Variants in FBLN2 observed in about 807,000 individuals in gnomAD.
FBLN2 encodes the protein fibulin-2.
FBLN2 carries 81 observed loss-of-function variants against 123.7 expected under a neutral mutation model. The ratio of observed to expected loss-of-function variants is 0.65; its 90% CI spans 0.55 to 0.79. The LOEUF is 0.79. Ranked by LOEUF, FBLN2 falls within the 30% of genes least tolerant of loss-of-function variation. FBLN2 has a pLI of 0.00. For synonymous variants in FBLN2, 699 were observed against 701.4 expected (o/e 1.00, Z 0.05); for missense variants, 1,603 against 1,681.3 (o/e 0.95, Z 0.81).
At chr3:13,553,383 G>A (rs1353087437) in intron 1 of FBLN2, among the ~76,000 whole-genome samples, 1 of 152,158 alleles carries the variant, frequency 6.6e-6, no homozygotes, top group Admixed American at 6.5e-5. Flanking sequence ...GGCGCAGAGT[G>A]GGGCGTGCTT....
intron 7 of FBLN2, 85 bp downstream of exon 7, chr3:13,619,102 G>A: frequency 1.0e-6 from 1 of 999,458 alleles, no homozygotes; most frequent in Non-Finnish European, 1.5e-6. Flanking sequence ...GAGCTGTCTG[G>A]TGCTGGGTAT....
intron 2 of FBLN2, among the ~76,000 whole-genome samples, chr3:13,602,926 C>T (rs56742289): frequency 0.15 from 21,379 of 139,906 alleles, 1,901 homozygotes; most frequent in East Asian, 0.35. Flanking sequence ...TTTTTTTTTT[C>T]CCCAAGACGA....
intron 16 of FBLN2, among the ~76,000 whole-genome samples, chr3:13,634,419 G>A (rs1258144043): frequency 2.6e-5 from 4 of 152,386 alleles, no homozygotes; most frequent in East Asian, 1.9e-4. Context: ...GGCTGTAGCC[G>A]CTCACCCTTC....
chr3:13,609,985 C>T (rs918415413), intron 4 of FBLN2, among the ~76,000 whole-genome samples: 3 of 152,098 alleles, frequency 2.0e-5, no homozygotes, highest in Non-Finnish European at 2.9e-5. Flanking sequence ...TAGCACCTGG[C>T]GTGGTTGCAG....
Position 13,555,788 on chromosome 3 carries a change from T to C in FBLN2, c.-42+6580T>C, listed in dbSNP as rs572780005. Among the ~76,000 whole-genome samples, 689 of 152,332 alleles carry C rather than the reference T, an allele frequency of 4.5e-3. 2 individuals are homozygous for C. Among genetic ancestry groups the C allele is most frequent in the South Asian group, 0.036 (175 of 4,824 alleles). On this transcript the variant is annotated intron_variant, in intron 1 of 17. Coordinates refer to ENST00000404922, the MANE Select transcript of FBLN2 (RefSeq NM_001004019.2). Reference sequence around the variant, plus strand: ...TTAAAAAGAATGGTTGGCAAGCGTCTGAGAGGTGTGGGAGGCACACCCGTG... The same window carrying C: ...TTAAAAAGAATGGTTGGCAAGCGTCCGAGAGGTGTGGGAGGCACACCCGTG...
At chr3:13,624,244 G>T (rs1222830230) in intron 9 of FBLN2, among the ~76,000 whole-genome samples, 1 of 152,176 alleles carries the variant, frequency 6.6e-6, no homozygotes, top group Admixed American at 6.5e-5. Flanking sequence ...AGCACTACCG[G>T]GAGGCTGATT....
At chr3:13,599,567 A>G (rs983751454) in intron 2 of FBLN2, among the ~76,000 whole-genome samples, 2 of 151,030 alleles carry the variant, frequency 1.3e-5, no homozygotes, top group African/African-American at 4.9e-5. Context: ...GTCATTCTAT[A>G]GCCCTGTGGG....
At chr3:13,613,917 C>A in intron 4 of FBLN2, 67 bp from the exon 5 acceptor site, 1 of 1,521,356 alleles carries the variant, frequency 6.6e-7, no homozygotes, top group South Asian at 1.2e-5. Flanking sequence ...ATTTATCAGT[C>A]CCTCCCCTGA....
chr3:13,618,096 G>C lies in FBLN2; in HGVS notation c.1750G>C (p.Gly584Arg). 6.2e-7 allele frequency: 1 copy of C among 1,613,294 alleles called. No homozygotes were observed. The highest frequency in any genetic ancestry group is 1.7e-5 in the Admixed American group (1 of 60,034). The change falls in exon 6 of 18, where the codon GGC (glycine) becomes CGC (arginine). Residue 584 changes from glycine to arginine, a missense_variant. By Grantham distance (125) the Gly-to-Arg change is moderately radical. Coordinates refer to ENST00000404922, the MANE Select transcript of FBLN2 (RefSeq NM_001004019.2). ...PRRVSEAEMA[G>R]REALSLGTEA... ...CCTAGTTTCAGAGGCAGAGATGGCG[G>C]GCCGAGAGGCCCTGTCACTGGGCAC...
intron 16 of FBLN2, among the ~76,000 whole-genome samples, chr3:13,635,752 C>CA (rs1368003933): frequency 2.0e-5 from 3 of 152,184 alleles, no homozygotes; most frequent in Non-Finnish European, 4.4e-5. Flanking sequence ...GCAGGCACTC[C>CA]ACTGGGCACT....
rs780567955 is a variant in FBLN2, at chr3:13,637,918, G to A, written c.3695G>A (p.Ter1232=). 9 of 1,578,200 alleles carry A rather than the reference G, an allele frequency of 5.7e-6. No homozygotes were observed. The highest frequency in any genetic ancestry group is 3.4e-5 in the Admixed American group (2 of 58,448). ...MHIFFTTFAL[*] The stretch of plus-strand genomic sequence containing the variant: ...ATCTTCTTCACCACCTTTGCCCTGT[G>A]AGGTGCCAGCACGGGCCACCTGCGG... Residue 1232 remains the stop codon, a stop_retained_variant, in exon 18 of 18, where the codon TGA becomes TAA. Transcript: ENST00000404922.
rs1353351350 is a variant in FBLN2 at position 13,626,448 on chromosome 3, TCAA to T, written c.2302_2304del (p.Asn768del). On this transcript the variant is annotated inframe_deletion, in exon 10 of 18. Coordinates refer to ENST00000404922, the MANE Select transcript of FBLN2 (RefSeq NM_001004019.2). Reference sequence around the variant, plus strand: ...GATGGCCTCGCTCTCCCTGCAGACATCAACGAGTGTGTGACGGACCTGCACACG... The same window carrying T: ...GATGGCCTCGCTCTCCCTGCAGACATCGAGTGTGTGACGGACCTGCACACG... 2.9e-5 allele frequency: 46 copies of T among 1,581,120 alleles called. No homozygotes were observed. Among genetic ancestry groups the T allele is most frequent in the Non-Finnish European group, 3.8e-5 (44 of 1,162,362 alleles).
chr3:13,559,597 G>A (rs1703553959), intron 1 of FBLN2, among the ~76,000 whole-genome samples: 1 of 152,230 alleles, frequency 6.6e-6, no homozygotes. Context: ...CCAGCAGGGT[G>A]ATAGGGCCAC....
intron 2 of FBLN2, among the ~76,000 whole-genome samples, chr3:13,597,614 A>C (rs1188658308): frequency 6.6e-6 from 1 of 152,188 alleles, no homozygotes; most frequent in Non-Finnish European, 1.5e-5. Context: ...ATGTGGTCAC[A>C]CTGCAGCCTA....
chr3:13,637,154 C>T (rs552166583), intron 17 of FBLN2, among the ~76,000 whole-genome samples: 6 of 152,246 alleles, frequency 3.9e-5, no homozygotes, highest in South Asian at 2.1e-4. Flanking sequence ...ACCAGCCACA[C>T]GGCCCGGCAC....
Position 13,570,611 on chromosome 3 carries a change from G to A in FBLN2, c.256G>A (p.Gly86Ser), listed in dbSNP as rs201489405. ...CTTCGTGCGCGGCCGCGTGCCCGCC[G>A]GTCAGTCCTATTTTGTGGACTTCGG... ...GGFVRGRVPA[G>S]QSYFVDFGST... The change falls in exon 2 of 18, where the codon GGT becomes AGT. Residue 86 changes from glycine to serine, a missense_variant. Coordinates refer to ENST00000404922, the MANE Select transcript of FBLN2 (RefSeq NM_001004019.2). The A allele has an allele frequency of 1.6e-4, 245 of 1,579,018 alleles. 1 individual carries two copies. The highest frequency in any genetic ancestry group is 2.6e-4 in the African/African-American group (19 of 74,296).
rs201093973 is a variant in FBLN2, at chr3:13,614,048, A to G, written c.1613A>G (p.Asn538Ser). ...GCCGAGGGCCAGTCGTGTGAGTCCA[A>G]TCCTAACCTGGGCTATCCCTGCAAT... ...VRAEGQSCES[N>S]PNLGYPCNHV... The change falls in exon 5 of 18, where the codon AAT (asparagine) becomes AGT (serine). Residue 538 changes from asparagine to serine, a missense_variant. By Grantham distance (46) the Asn-to-Ser change is conservative. Coordinates refer to ENST00000404922, the MANE Select transcript of FBLN2 (RefSeq NM_001004019.2). 8.9e-5 allele frequency: 144 copies of G among 1,613,698 alleles called. No individual in the cohort carries two copies. The highest frequency in any genetic ancestry group is 4.9e-4 in the East Asian group (22 of 44,874).
chr3:13,611,011 A>G (rs1349831092), intron 4 of FBLN2, among the ~76,000 whole-genome samples: 1 of 151,878 alleles, frequency 6.6e-6, no homozygotes, highest in Non-Finnish European at 1.5e-5. Flanking sequence ...GGTTCAAGCA[A>G]TTCTCCTGCC....
chr3:13,619,288 T>C (rs1705758947), intron 7 of FBLN2, among the ~76,000 whole-genome samples: 1 of 152,174 alleles, frequency 6.6e-6, no homozygotes, highest in Non-Finnish European at 1.5e-5. Flanking sequence ...TCTTGTAACG[T>C]TGAGGTAGTC....
Sources: gnomAD v4.1 joint callset for allele counts (sites outside exome capture counted in the v4.1 genomes callset) on GRCh38, gnomAD v4.1.1 for gene constraint, MANE v1.5 for transcripts, NCBI Gene and HGNC (gene_info 2026-07-23, HGNC 2026-07-21) for gene names.